The following VPS37D variants were observed in gnomAD, a reference collection of about 807,000 sequenced individuals.
VPS37D encodes the protein VPS37D subunit of ESCRT-I.
VPS37D carries 5 observed loss-of-function variants against 22.0 expected under a neutral mutation model. The ratio of observed to expected loss-of-function variants is 0.23; its 90% CI spans 0.12 to 0.48. The LOEUF is 0.48. VPS37D is among the 20% of genes least tolerant of loss of function. The pLI is 0.99. For missense variants in VPS37D, 384 were observed against 345.8 expected (o/e 1.11, Z -0.88); for synonymous variants, 174 against 159.3 (o/e 1.09, Z -0.69).
rs1563540402 is a variant in VPS37D at position 73,671,055 on chromosome 7, G to GGCCTTCCTGCCT, written c.443_454dup (p.Leu148_Phe151dup). ...TGCTGCTCGGGGAGCAAAGCCTGGA[G>GGCCTTCCTGCCT]GCCTTCCTGCCTGCCTTCCAGCGTG... is the stretch of plus-strand genomic sequence containing the variant. On this transcript the variant is annotated inframe_insertion, in exon 4 of 4. Coordinates refer to ENST00000324941, the MANE Select transcript of VPS37D (RefSeq NM_001077621.2). The GGCCTTCCTGCCT allele has an allele frequency of 6.2e-7, 1 of 1,612,412 alleles. No homozygotes were observed. Among genetic ancestry groups the GGCCTTCCTGCCT allele is most frequent in the Admixed American group, 1.7e-5 (1 of 60,002 alleles).
At chr7:73,670,572 C>T (rs895329749) in intron 3 of VPS37D, among the ~76,000 whole-genome samples, 1 of 152,190 alleles carries the variant, frequency 6.6e-6, no homozygotes, top group South Asian at 2.1e-4. Flanking sequence ...CTTTGGGAGA[C>T]CGAGGCGGGC....
rs1563538562 is a variant in VPS37D, at chr7:73,667,885, A to AGCGGAGCGGGG, written c.-65_-64insGGGCGGAGCGG. ...GGATCCTGGAGCCGGAGCGGAGCGG[A>AGCGGAGCGGGG]GCGGAGCGGAGCCGGGGCGGAGCGG... On this transcript the variant is annotated 5_prime_UTR_variant, in exon 1 of 4. Transcript: ENST00000324941. 8 of 458,762 alleles carry AGCGGAGCGGGG rather than the reference A, an allele frequency of 1.7e-5. No individual in the cohort carries two copies. Among genetic ancestry groups the AGCGGAGCGGGG allele is most frequent in the African/African-American group, 4.4e-5 (2 of 45,744 alleles). 28.4% of individuals were successfully genotyped at this position (458,762 alleles called of 1,614,324 possible). A position where few individuals can be genotyped will look rare whatever the true frequency, so the allele number is the denominator to read the frequency against.
chr7:73,666,298 G>A (rs1012918623), upstream of VPS37D, among the ~76,000 whole-genome samples: 1 of 152,216 alleles, frequency 6.6e-6, no homozygotes, highest in Non-Finnish European at 1.5e-5. Flanking sequence ...TGTCCCCACA[G>A]GGCCTAACCC....
At chr7:73,668,942 G>A (rs782723261) in intron 1 of VPS37D, among the ~76,000 whole-genome samples, 12 of 151,950 alleles carry the variant, frequency 7.9e-5, no homozygotes, top group Non-Finnish European at 8.8e-5. Context: ...ACACCCCTCT[G>A]GAGAGGATGA....
intron 2 of VPS37D, 85 bp downstream of exon 2, chr7:73,669,675 T>C (rs754968502): frequency 2.2e-5 from 33 of 1,487,240 alleles, no homozygotes; most frequent in Non-Finnish European, 2.9e-5. Context: ...TGCCAGGCTC[T>C]GATGGATGGG....
Position 73,667,878 on chromosome 7 carries a change from G to T in VPS37D, c.-81G>T. On this transcript the variant is annotated 5_prime_UTR_variant, in exon 1 of 4. Transcript: ENST00000324941. ...CCGGAGCGGATCCTGGAGCCGGAGC[G>T]GAGCGGAGCGGAGCGGAGCCGGGGC... is the stretch of plus-strand genomic sequence containing the variant. 1 of 387,678 alleles carries T rather than the reference G, an allele frequency of 2.6e-6. No homozygotes were observed. The highest frequency in any genetic ancestry group is 3.6e-6 in the Non-Finnish European group (1 of 281,160). 24.0% of individuals were successfully genotyped at this position (387,678 alleles called of 1,614,324 possible). A position where few individuals can be genotyped will look rare whatever the true frequency, so the allele number is the denominator to read the frequency against.
At chr7:73,667,033 C>T (rs574105127), upstream of VPS37D, among the ~76,000 whole-genome samples, 1 of 141,408 alleles carries the variant, frequency 7.1e-6, no homozygotes, top group African/African-American at 2.6e-5. Context: ...AGTGCAGTGG[C>T]GCGATCTCCG....
chr7:73,671,007 G>A lies in VPS37D; in HGVS notation c.394-7G>A. The stretch of plus-strand genomic sequence containing the variant: ...TCTCCCAAGCCTTCCCTTCCCTCCC[G>A]GCCCAGGAGCAGATGGAGCAGCTGC... On this transcript the variant is annotated splice_polypyrimidine_tract_variant and splice_region_variant and intron_variant, in intron 3 of 3. Transcript: ENST00000324941. The A allele has an allele frequency of 6.2e-7, 1 of 1,610,542 alleles. No homozygotes were observed. The highest frequency in any genetic ancestry group is 8.5e-7 in the Non-Finnish European group (1 of 1,178,440).
chr7:73,671,038 G>C lies in VPS37D; in HGVS notation c.418G>C (p.Gly140Arg), dbSNP rs372273560. ...AEEQMEQLLL[G>R]EQSLEAFLPA... ...GGAGCAGATGGAGCAGCTGCTGCTC[G>C]GGGAGCAAAGCCTGGAGGCCTTCCT... Residue 140 changes from glycine to arginine, a missense_variant, in exon 4 of 4, where the codon GGG becomes CGG. Gly to Arg is a moderately radical substitution (Grantham distance 125). Transcript: ENST00000324941. The C allele has an allele frequency of 8.1e-6, 13 of 1,612,336 alleles. No individual in the cohort carries two copies. Among genetic ancestry groups the C allele is most frequent in the Admixed American group, 1.7e-5 (1 of 59,990 alleles).
chr7:73,669,582 A>T lies in VPS37D; in HGVS notation c.302A>T (p.Gln101Leu). ...GCCGAGAACTGCGCGGACAAGCTGCAGCGACTGGGTGAGGGCACGTCTGGG... is the reference window on the plus strand; with the variant it reads ...GCCGAGAACTGCGCGGACAAGCTGCTGCGACTGGGTGAGGGCACGTCTGGG... The part of the protein sequence containing the change: ...EVAENCADKL[Q>L]RLEESMHRWS... Residue 101 changes from glutamine to leucine, a missense_variant, in exon 2 of 4, where the codon CAG becomes CTG. Physicochemically the swap from Gln to Leu is moderately radical, Grantham distance 113. Transcript: ENST00000324941. The T allele has an allele frequency of 6.3e-7, 1 of 1,590,092 alleles. No individual in the cohort carries two copies. The highest frequency in any genetic ancestry group is 8.6e-7 in the Non-Finnish European group (1 of 1,168,020).
intron 2 of VPS37D, 134 bp from the exon 3 acceptor site, chr7:73,669,886 T>A: frequency 6.9e-7 from 1 of 1,455,122 alleles, no homozygotes; most frequent in Non-Finnish European, 9.2e-7. Flanking sequence ...AGCGGTCACA[T>A]GGGCACGGTA....
At chr7:73,668,303 G>T (rs1289646298) in intron 1 of VPS37D, among the ~76,000 whole-genome samples, 4 of 151,992 alleles carry the variant, frequency 2.6e-5, no homozygotes, top group African/African-American at 9.6e-5. Flanking sequence ...GGGACCCGAG[G>T]GGGGCGCCTG....
rs1348531121 is a variant in VPS37D, at chr7:73,667,938, C to G, written c.-21C>G. On this transcript the variant is annotated 5_prime_UTR_variant, in exon 1 of 4. Coordinates refer to ENST00000324941, the MANE Select transcript of VPS37D (RefSeq NM_001077621.2). ...CGAGCGGGCCGAGCCAGCAGCCGAG[C>G]TGGGGGCGCGGGCGGGCGGCATGTA... 4 of 979,556 alleles carry G rather than the reference C, an allele frequency of 4.1e-6. No individual in the cohort carries two copies. The highest frequency in any genetic ancestry group is 4.9e-6 in the Non-Finnish European group (4 of 814,638). 60.7% of individuals were successfully genotyped at this position (979,556 alleles called of 1,614,324 possible).
Position 73,671,263 on chromosome 7 carries a change from C to A in VPS37D, c.643C>A (p.Pro215Thr). ...RGPPAVPRSL[P>T]PLDSRPVPPL... ...GCCACCAGCAGTGCCCCGGAGCCTG[C>A]CCCCCTTGGACTCCCGCCCAGTGCC... is the stretch of plus-strand genomic sequence containing the variant. Residue 215 changes from proline to threonine, a missense_variant, in exon 4 of 4, where the codon CCC becomes ACC. Pro to Thr is a conservative substitution (Grantham distance 38). Transcript: ENST00000324941. 2.0e-6 allele frequency: 3 copies of A among 1,495,176 alleles called. No individual in the cohort carries two copies. The highest frequency in any genetic ancestry group is 2.5e-5 in the East Asian group (1 of 40,244). The allele number at this position is 1,495,176 out of a possible 1,614,324, so 92.6% of individuals were successfully genotyped here. A position where few individuals can be genotyped will look rare whatever the true frequency, so the allele number is the denominator to read the frequency against.
chr7:73,666,900 T>TACAG (rs1259962722), upstream of VPS37D, among the ~76,000 whole-genome samples: 2 of 151,802 alleles, frequency 1.3e-5, no homozygotes, highest in Non-Finnish European at 2.9e-5. Flanking sequence ...TAGCTAGGAC[T>TACAG]ACAGACGCAT....
chr7:73,667,904 GGAGCGGGCC>G lies in VPS37D; in HGVS notation c.-41_-33del, dbSNP rs1160801612. ...GAGCGGAGCGGAGCGGAGCCGGGGCGGAGCGGGCCGAGCGGGCCGAGCCAGCAGCCGAGC... is the reference window on the plus strand; with the variant it reads ...GAGCGGAGCGGAGCGGAGCCGGGGCGGAGCGGGCCGAGCCAGCAGCCGAGC... On this transcript the variant is annotated 5_prime_UTR_variant, in exon 1 of 4. Coordinates refer to ENST00000324941, the MANE Select transcript of VPS37D (RefSeq NM_001077621.2). 2.5e-5 allele frequency: 17 copies of G among 670,322 alleles called. No individual in the cohort carries two copies. The highest frequency in any genetic ancestry group is 7.0e-4 in the Middle Eastern group (1 of 1,430). 41.5% of individuals were successfully genotyped at this position (670,322 alleles called of 1,614,324 possible). A position where few individuals can be genotyped will look rare whatever the true frequency, so the allele number is the denominator to read the frequency against.
chr7:73,669,263 C>A (rs6957208), intron 1 of VPS37D, among the ~76,000 whole-genome samples, 156 bp from the exon 2 acceptor site: 34,166 of 152,166 alleles, frequency 0.22, 4,734 homozygotes, highest in South Asian at 0.33. Flanking sequence ...GGCCTGTCAT[C>A]GTCCCTTCAC....
At chr7:73,666,091 A>G (rs1422257057), upstream of VPS37D, among the ~76,000 whole-genome samples, 1 of 151,920 alleles carries the variant, frequency 6.6e-6, no homozygotes, top group Non-Finnish European at 1.5e-5. Context: ...GTCTGACTTA[A>G]TTTCTGAGTG....
chr7:73,667,989 C>T lies in VPS37D; in HGVS notation c.31C>T (p.Pro11Ser), dbSNP rs1554608975. 1.8e-6 allele frequency: 2 copies of T among 1,096,274 alleles called. No homozygotes were observed. The highest frequency in any genetic ancestry group is 5.3e-5 in the Admixed American group (1 of 18,856). 67.9% of individuals were successfully genotyped at this position (1,096,274 alleles called of 1,614,324 possible). A position where few individuals can be genotyped will look rare whatever the true frequency, so the allele number is the denominator to read the frequency against. Residue 11 changes from proline (P) to serine (S), a missense_variant, in exon 1 of 4, where the codon CCG becomes TCG. Transcript: ENST00000324941. Reference sequence around the variant, plus strand: ...CCGGGCCCGGGCGGCGCGGGCGGGGCCGGAGCCCGGCAGCCCGGGGCGCTT... The same window carrying T: ...CCGGGCCCGGGCGGCGCGGGCGGGGTCGGAGCCCGGCAGCCCGGGGCGCTT... MYRARAARAG[P>S]EPGSPGRFGI...
Sources: allele counts gnomAD v4.1 joint callset (sites outside exome capture counted in the v4.1 genomes callset), GRCh38; gene constraint gnomAD v4.1.1; transcripts MANE v1.5; gene names NCBI Gene and HGNC (gene_info 2026-07-23, HGNC 2026-07-21).